The following RAB3C variants were observed in gnomAD, a reference collection of about 807,000 sequenced individuals.
RAB3C encodes RAB3C, member RAS oncogene family.
A neutral mutation model predicts 26.4 loss-of-function variants in RAB3C; 17 were observed. That is an observed-to-expected ratio of 0.64 (90% confidence interval 0.44 to 0.97). The LOEUF is 0.97. Ranked by LOEUF, RAB3C falls within the 50% of genes least tolerant of loss-of-function variation. RAB3C has a pLI of 0.00. For synonymous variants in RAB3C, 91 were observed against 95.9 expected, an observed-to-expected ratio of 0.95 and a Z score of 0.30; for missense variants, 242 against 281.9, an observed-to-expected ratio of 0.86 and a Z score of 1.01.
intron 2 of RAB3C, among the ~76,000 whole-genome samples, chr5:58,672,748 T>C (rs571920825): frequency 6.6e-6 from 1 of 152,326 alleles, no homozygotes; most frequent in Admixed American, 6.5e-5. Flanking sequence ...AATTCTGCCA[T>C]TTGTGACAAC....
At chr5:58,672,109 A>T (rs1748130431) in intron 2 of RAB3C, among the ~76,000 whole-genome samples, 1 of 152,204 alleles carries the variant, frequency 6.6e-6, no homozygotes, top group Non-Finnish European at 1.5e-5. Context: ...AGGGGTTACT[A>T]ACGAAAACAA....
intron 2 of RAB3C, among the ~76,000 whole-genome samples, chr5:58,707,020 A>C (rs1026272126): frequency 2.0e-5 from 3 of 152,138 alleles, no homozygotes; most frequent in Non-Finnish European, 4.4e-5. Context: ...TGGACATTCC[A>C]TATTGAAGTG....
chr5:58,816,589 A>G (rs1199463795), intron 3 of RAB3C, among the ~76,000 whole-genome samples: 2 of 152,216 alleles, frequency 1.3e-5, no homozygotes, highest in South Asian at 2.1e-4. Flanking sequence ...TATAGACAGT[A>G]TCTGGTACAG....
intron 2 of RAB3C, among the ~76,000 whole-genome samples, chr5:58,661,087 G>A (rs994377106): frequency 6.7e-6 from 1 of 150,030 alleles, no homozygotes; most frequent in Admixed American, 6.6e-5. Flanking sequence ...CTTATTTTAA[G>A]GTCCTATTAA....
chr5:58,841,786 C>A (rs543834908), intron 4 of RAB3C, among the ~76,000 whole-genome samples: 17 of 152,266 alleles, frequency 1.1e-4, no homozygotes, highest in East Asian at 9.7e-4. Flanking sequence ...GACAAGTCTG[C>A]AGAGATTGGG....
intron 3 of RAB3C, among the ~76,000 whole-genome samples, chr5:58,774,050 A>G (rs1237971369): frequency 2.0e-5 from 3 of 152,138 alleles, no homozygotes; most frequent in African/African-American, 4.8e-5. Context: ...CTCCCTTTGC[A>G]TTCTCAGCTA....
chr5:58,667,552 C>A (rs1040931081), intron 2 of RAB3C, among the ~76,000 whole-genome samples: 1 of 152,134 alleles, frequency 6.6e-6, no homozygotes, highest in African/African-American at 2.4e-5. Context: ...TATTAATTTG[C>A]TTAAGCAGCT....
At chr5:58,735,038 A>G (rs1242205427) in intron 3 of RAB3C, among the ~76,000 whole-genome samples, 1 of 152,240 alleles carries the variant, frequency 6.6e-6, no homozygotes, top group African/African-American at 2.4e-5. Flanking sequence ...AGGACCAACT[A>G]TTCTCTGACT....
chr5:58,739,176 A>T (rs1049779654), intron 3 of RAB3C, among the ~76,000 whole-genome samples: 2 of 152,224 alleles, frequency 1.3e-5, no homozygotes, highest in African/African-American at 4.8e-5. Flanking sequence ...CTGTCCATCA[A>T]GTCTGCTTCC....
intron 3 of RAB3C, among the ~76,000 whole-genome samples, chr5:58,735,487 G>A (rs1240324090): frequency 6.6e-6 from 1 of 152,102 alleles, no homozygotes; most frequent in African/African-American, 2.4e-5. Flanking sequence ...AGTTTGCTAG[G>A]GTTGTTGTAG....
chr5:58,651,539 G>A (rs1747649269), intron 2 of RAB3C, among the ~76,000 whole-genome samples: 1 of 152,158 alleles, frequency 6.6e-6, no homozygotes, highest in African/African-American at 2.4e-5. Flanking sequence ...TCTGATATTA[G>A]TACAGTAGTA....
At chr5:58,675,980 G>C (rs1008185306) in intron 2 of RAB3C, among the ~76,000 whole-genome samples, 5 of 152,030 alleles carry the variant, frequency 3.3e-5, no homozygotes, top group Non-Finnish European at 1.5e-5. Flanking sequence ...ACTGTGGAAG[G>C]GCAGGGCTTT....
chr5:58,683,376 C>T (rs1748385292), intron 2 of RAB3C, among the ~76,000 whole-genome samples: 1 of 101,094 alleles, frequency 9.9e-6, no homozygotes, highest in African/African-American at 3.9e-5. Context: ...ATAAAGTTAT[C>T]TTTTTCATAT....
chr5:58,592,052 C>T (rs1485677909), intron 1 of RAB3C, among the ~76,000 whole-genome samples: 1 of 151,954 alleles, frequency 6.6e-6, no homozygotes, highest in Non-Finnish European at 1.5e-5. Context: ...GCATGTGCAA[C>T]CACACCCAGC....
intron 1 of RAB3C, among the ~76,000 whole-genome samples, chr5:58,602,042 G>A (rs1334365151): frequency 2.0e-5 from 3 of 151,822 alleles, no homozygotes; most frequent in Non-Finnish European, 4.4e-5. Context: ...GTTTTGATAG[G>A]TTGTGTCATT....
intron 2 of RAB3C, among the ~76,000 whole-genome samples, chr5:58,655,702 G>A (rs985420519): frequency 6.7e-6 from 1 of 150,150 alleles, no homozygotes; most frequent in Admixed American, 6.6e-5. Flanking sequence ...TTGAGATCAA[G>A]CATATTTGCC....
At chr5:58,698,995 G>A (rs1184930503) in intron 2 of RAB3C, among the ~76,000 whole-genome samples, 1 of 152,164 alleles carries the variant, frequency 6.6e-6, no homozygotes, top group Non-Finnish European at 1.5e-5. Flanking sequence ...ATCCTTTGGA[G>A]GAGAAGAGGC....
chr5:58,673,989 A>C (rs890818631), intron 2 of RAB3C, among the ~76,000 whole-genome samples: 1 of 152,234 alleles, frequency 6.6e-6, no homozygotes, highest in Non-Finnish European at 1.5e-5. Flanking sequence ...ATAATTGTTA[A>C]AGTACATTTA....
intron 2 of RAB3C, among the ~76,000 whole-genome samples, chr5:58,657,012 A>G (rs1357124826): frequency 1.6e-5 from 2 of 128,266 alleles, no homozygotes; most frequent in African/African-American, 6.1e-5. Flanking sequence ...CTAGTGGATA[A>G]AGAAACTGTG....
Sources: gnomAD v4.1 joint callset for allele counts (sites outside exome capture counted in the v4.1 genomes callset) on GRCh38, gnomAD v4.1.1 for gene constraint, MANE v1.5 for transcripts, NCBI Gene and HGNC (gene_info 2026-07-23, HGNC 2026-07-21) for gene names.